The following IBA57 variants were observed in gnomAD, a reference collection of about 807,000 sequenced individuals.
IBA57 encodes the protein iron-sulfur cluster assembly factor IBA57.
In IBA57, 20 loss-of-function variants were observed where a neutral mutation model predicts 20.4. That is an observed-to-expected ratio of 0.98 (90% CI 0.69 to 1.42). The LOEUF is 1.42. IBA57 is among the 40% of genes most tolerant of loss of function. IBA57 has a pLI of 0.00. For missense variants in IBA57, 608 were observed against 499.3 expected (o/e 1.22, Z -2.07); for synonymous variants, 310 against 233.9 (o/e 1.33, Z -2.97).
Position 228,180,942 on chromosome 1 carries a change from T to C in IBA57, c.*5429T>C, listed in dbSNP as rs1421603546. ...CTGAGTAGCTGGGACCACAGGTGCA[T>C]GCTAATTTTTAAAATTTTTTGTTTT... is the stretch of plus-strand genomic sequence containing the variant. On this transcript the variant is annotated 3_prime_UTR_variant, in exon 3 of 3. Coordinates refer to ENST00000366711, the MANE Select transcript of IBA57 (RefSeq NM_001010867.4). The C allele has an allele frequency of 6.6e-6, 1 of 151,792 alleles. No homozygotes were observed. Among genetic ancestry groups the C allele is most frequent in the Non-Finnish European group, 1.5e-5 (1 of 67,936 alleles). The allele number at this position is 151,792 out of a possible 1,614,324, so 9.4% of individuals were successfully genotyped here.
chr1:228,166,175 G>C lies in IBA57; in HGVS notation c.341+18G>C. Reference sequence around the variant, plus strand: ...TTGTACGGGTGAGCGCGTGCTGGGAGGGCGCTCGGGGGCGGGCACCCAGGG... The same window carrying C: ...TTGTACGGGTGAGCGCGTGCTGGGACGGCGCTCGGGGGCGGGCACCCAGGG... On this transcript the variant is annotated intron_variant, in intron 1 of 2. Coordinates refer to ENST00000366711, the MANE Select transcript of IBA57 (RefSeq NM_001010867.4). 1 of 1,420,852 alleles carries C rather than the reference G, an allele frequency of 7.0e-7. No individual in the cohort carries two copies. The highest frequency in any genetic ancestry group is 1.5e-5 in the African/African-American group (1 of 67,642). 88.0% of individuals were successfully genotyped at this position (1,420,852 alleles called of 1,614,324 possible).
intron 1 of IBA57, among the ~76,000 whole-genome samples, chr1:228,166,563 A>G (rs2034856846): frequency 6.6e-6 from 1 of 151,886 alleles, no homozygotes; most frequent in Non-Finnish European, 1.5e-5. Context: ...CTCCGCAGGG[A>G]CAAGGGGTTC....
At chr1:228,172,341 G>C (rs1193165272) in intron 1 of IBA57, 5 of 152,164 alleles carry the variant, frequency 3.3e-5, no homozygotes, top group Non-Finnish European at 7.3e-5. Flanking sequence ...GCGGCTTCCT[G>C]CTCCTGCCCC....
At position 228,169,724 on chromosome 1, in the gene IBA57, A is replaced by C. The variant is rs909922271; in HGVS notation, c.341+3567A>C. Among the ~76,000 whole-genome samples, 8 of 152,158 alleles carry C rather than the reference A, an allele frequency of 5.3e-5. No homozygotes were observed. The East Asian group carries it at 9.6e-4, about 18-fold the overall frequency. On this transcript the variant is annotated intron_variant, in intron 1 of 2. Transcript: ENST00000366711. ...CCATCTCCCCTAACTCCTGGCCACC[A>C]CTGATGTTTTCAGTGTCTCCATAGT...
intron 1 of IBA57, among the ~76,000 whole-genome samples, chr1:228,171,011 C>T (rs897804350): frequency 1.3e-5 from 2 of 152,178 alleles, no homozygotes; most frequent in African/African-American, 4.8e-5. Flanking sequence ...GGCTTCTGGG[C>T]TCAGCAAACA....
chr1:228,172,973 GA>G (rs1410834499), intron 1 of IBA57: 1 of 152,302 alleles, frequency 6.6e-6, no homozygotes, highest in East Asian at 1.9e-4. Flanking sequence ...TGTTGTTTTT[GA>G]TGTCCTGTGA....
In IBA57 at chr1:228,175,151, C is replaced by G; in HGVS notation, c.709C>G (p.Pro237Ala). 6.2e-7 allele frequency: 1 copy of G among 1,612,876 alleles called. No homozygotes were observed. Among genetic ancestry groups the G allele is most frequent in the South Asian group, 1.1e-5 (1 of 91,080 alleles). Reference sequence around the variant, plus strand: ...TCCTGAGGGGGTCCGAGACTTGCCTCCTGGGGTGGCCCTGCCCCTGGAGTC... The same window carrying G: ...TCCTGAGGGGGTCCGAGACTTGCCTGCTGGGGTGGCCCTGCCCCTGGAGTC... Reference protein sequence around the residue: ...GVPEGVRDLPPGVALPLESNL... With the variant: ...GVPEGVRDLPAGVALPLESNL... The change falls in exon 3 of 3, where the codon CCT becomes GCT. Residue 237 changes from proline (P) to alanine (A), a missense_variant. Transcript: ENST00000366711.
chr1:228,174,229 G>GT (rs1458844858), intron 1 of IBA57, among the ~76,000 whole-genome samples: 1 of 520 alleles, frequency 1.9e-3, no homozygotes, highest in African/African-American at 0.014. Context: ...GGCTCGCTGT[G>GT]GGCGTGGCTC....
chr1:228,165,933 T>C lies in IBA57; in HGVS notation c.117T>C (p.Gly39=), dbSNP rs1399287072. Residue 39 remains glycine, a synonymous_variant, in exon 1 of 3, where the codon GGT becomes GGC. Transcript: ENST00000366711. ...CRLAHSSCSP[G]GDPTAGAAWA... is the part of the protein sequence containing the mutation. Reference sequence around the variant, plus strand: ...TGGCCCACAGCTCCTGCAGTCCTGGTGGCGACCCAACGGCCGGAGCGGCCT... The same window carrying C: ...TGGCCCACAGCTCCTGCAGTCCTGGCGGCGACCCAACGGCCGGAGCGGCCT... The C allele has an allele frequency of 1.1e-5, 16 of 1,500,376 alleles. No homozygotes were observed. The highest frequency in any genetic ancestry group is 2.1e-5 in the Admixed American group (1 of 47,570). 92.9% of individuals were successfully genotyped at this position (1,500,376 alleles called of 1,614,324 possible).
Position 228,175,121 on chromosome 1 carries a change from G to C in IBA57, c.680-1G>C. On this transcript the variant is annotated splice_acceptor_variant, in intron 2 of 2. Transcript: ENST00000366711. LOFTEE classifies it high-confidence loss of function. Reference sequence around the variant, plus strand: ...TGGTTTCCCCCCTCCAATCCCTGCAGGCGTTCCTGAGGGGGTCCGAGACTT... The same window carrying C: ...TGGTTTCCCCCCTCCAATCCCTGCACGCGTTCCTGAGGGGGTCCGAGACTT... 1 of 1,610,940 alleles carries C rather than the reference G, an allele frequency of 6.2e-7. No homozygotes were observed. Among genetic ancestry groups the C allele is most frequent in the Non-Finnish European group, 8.5e-7 (1 of 1,178,632 alleles).
Position 228,174,928 on chromosome 1 carries a change from G to C in IBA57, c.578G>C (p.Arg193Pro), listed in dbSNP as rs1376244621. 2.5e-6 allele frequency: 4 copies of C among 1,586,400 alleles called. No homozygotes were observed. The highest frequency in any genetic ancestry group is 1.1e-5 in the South Asian group (1 of 89,250). Reference sequence around the variant, plus strand: ...CTCATCCGCGACCCGCGAACAGCACGCATGGGGTGGCGGCTCCTCACCCAG... The same window carrying C: ...CTCATCCGCGACCCGCGAACAGCACCCATGGGGTGGCGGCTCCTCACCCAG... The part of the protein sequence containing the change: ...AILIRDPRTA[R>P]MGWRLLTQDE... The change falls in exon 2 of 3, where the codon CGC becomes CCC. Residue 193 changes from arginine (R) to proline (P), a missense_variant. Physicochemically the swap from Arg to Pro is moderately radical, Grantham distance 103 (BLOSUM62 -2). Coordinates refer to ENST00000366711, the MANE Select transcript of IBA57 (RefSeq NM_001010867.4).
Position 228,175,484 on chromosome 1 carries a change from C to G in IBA57, c.1042C>G (p.Pro348Ala), listed in dbSNP as rs2035002630. The change falls in exon 3 of 3, where the codon CCA (proline) becomes GCA (alanine). Residue 348 changes from proline to alanine, a missense_variant. Physicochemically the swap from Pro to Ala is conservative, Grantham distance 27. Coordinates refer to ENST00000366711, the MANE Select transcript of IBA57 (RefSeq NM_001010867.4). ...CCAGGTGGCCTTAGCCGCATCTGTG[C>G]CAGACTGGTGGCCTACAGTCTCCAA... is the stretch of plus-strand genomic sequence containing the variant. ...GAQVALAASV[P>A]DWWPTVSK is the part of the protein sequence containing the mutation. 7 of 1,588,154 alleles carry G rather than the reference C, an allele frequency of 4.4e-6. No individual in the cohort carries two copies. In the South Asian group the frequency reaches 8.0e-5, roughly 18 times the overall value.
In IBA57 at chr1:228,166,159, T is replaced by A. The variant is rs1202432368; in HGVS notation, c.341+2T>A. The A allele has an allele frequency of 6.8e-7, 1 of 1,479,818 alleles. No homozygotes were observed. Among genetic ancestry groups the A allele is most frequent in the African/African-American group, 1.5e-5 (1 of 68,816 alleles). 91.7% of individuals were successfully genotyped at this position (1,479,818 alleles called of 1,614,324 possible). On this transcript the variant is annotated splice_donor_variant, in intron 1 of 2. Transcript: ENST00000366711. LOFTEE classifies it high-confidence loss of function. ...GCTCTATGACGTCATCTTGTACGGG[T>A]GAGCGCGTGCTGGGAGGGCGCTCGG...
Position 228,166,119 on chromosome 1 carries a change from C to T in IBA57, c.303C>T (p.Asn101=), listed in dbSNP as rs2124971800. The T allele has an allele frequency of 1.3e-6, 2 of 1,536,004 alleles. No individual in the cohort carries two copies. The highest frequency in any genetic ancestry group is 1.7e-6 in the Non-Finnish European group (2 of 1,143,718). Residue 101 remains asparagine, a synonymous_variant, in exon 1 of 3, where the codon AAC becomes AAT. Coordinates refer to ENST00000366711, the MANE Select transcript of IBA57 (RefSeq NM_001010867.4). The part of the protein sequence containing the change: ...AARAGYAHFL[N]VQGRTLYDVI... ...GCGCGGGCTACGCCCACTTCCTGAA[C>T]GTGCAGGGCCGGACGCTCTATGACG...
In IBA57 at chr1:228,181,452, C is replaced by G. The variant is rs2035110102; in HGVS notation, c.*5939C>G. 6.6e-6 allele frequency: 1 copy of G among 152,372 alleles called. No homozygotes were observed. The highest frequency in any genetic ancestry group is 1.5e-5 in the Non-Finnish European group (1 of 68,152). The allele number at this position is 152,372 out of a possible 1,614,324, so 9.4% of individuals were successfully genotyped here. ...CGTCCCTGTCTCACCTGGAAGCTCT[C>G]CCACTCCTCTGGCCAGCCTGGGCAT... On this transcript the variant is annotated 3_prime_UTR_variant, in exon 3 of 3. Coordinates refer to ENST00000366711, the MANE Select transcript of IBA57 (RefSeq NM_001010867.4).
In IBA57 at chr1:228,175,706, G is replaced by C. The variant is rs1455055509; in HGVS notation, c.*193G>C. On this transcript the variant is annotated 3_prime_UTR_variant, in exon 3 of 3. Transcript: ENST00000366711. ...CTCAGGGGCCCCAGGCACGTGGGTT[G>C]TTTTCTCCCTGGACTTCCTGTGGCC... The C allele has an allele frequency of 3.3e-5, 20 of 602,952 alleles. No homozygotes were observed. In the South Asian group the frequency reaches 4.5e-4, roughly 14 times the overall value. 37.4% of individuals were successfully genotyped at this position (602,952 alleles called of 1,614,324 possible). A position where few individuals can be genotyped will look rare whatever the true frequency, so the allele number is the denominator to read the frequency against.
chr1:228,174,909 C>A lies in IBA57; in HGVS notation c.559C>A (p.Arg187Ser). ...ERAGAAAILI[R>S]DPRTARMGWR... ...GGCAGGGGCTGCCGCCATCCTCATC[C>A]GCGACCCGCGAACAGCACGCATGGG... Residue 187 changes from arginine (R) to serine (S), a missense_variant, in exon 2 of 3, where the codon CGC becomes AGC. By Grantham distance (110) the Arg-to-Ser change is moderately radical. Transcript: ENST00000366711. 1 of 1,601,108 alleles carries A rather than the reference C, an allele frequency of 6.2e-7. No individual in the cohort carries two copies. The highest frequency in any genetic ancestry group is 1.7e-4 in the Middle Eastern group (1 of 5,858).
chr1:228,166,314 G>A (rs1386802043), intron 1 of IBA57, among the ~76,000 whole-genome samples, 157 bp downstream of exon 1: 1 of 152,046 alleles, frequency 6.6e-6, no homozygotes, highest in East Asian at 1.9e-4. Context: ...AGGGTGGGTG[G>A]GCCAGCGACT....
rs2035004468 is a variant in IBA57, at chr1:228,175,548, G to T, written c.*35G>T. 1 of 1,525,964 alleles carries T rather than the reference G, an allele frequency of 6.6e-7. No individual in the cohort carries two copies. The allele number at this position is 1,525,964 out of a possible 1,614,324, so 94.5% of individuals were successfully genotyped here. ...TTGGCTGGCGCAGGCTGATGGGGAGGCTGGGGCCTGGGGCCTTTGGCCTCT... is the reference window on the plus strand; with the variant it reads ...TTGGCTGGCGCAGGCTGATGGGGAGTCTGGGGCCTGGGGCCTTTGGCCTCT... On this transcript the variant is annotated 3_prime_UTR_variant, in exon 3 of 3. Coordinates refer to ENST00000366711, the MANE Select transcript of IBA57 (RefSeq NM_001010867.4).
Sources: allele counts gnomAD v4.1 joint callset (sites outside exome capture counted in the v4.1 genomes callset), GRCh38; gene constraint gnomAD v4.1.1; transcripts MANE v1.5; gene names NCBI Gene and HGNC (gene_info 2026-07-23, HGNC 2026-07-21).